Variants in EXOC4 observed in about 807,000 individuals in gnomAD.
EXOC4 encodes SEC8-like 1.
Under a neutral mutation model 107.2 loss-of-function variants are expected in EXOC4, and 71 were observed. That is an observed-to-expected ratio of 0.66 (90% CI 0.55 to 0.81). The LOEUF (loss-of-function observed/expected upper bound fraction) is 0.81, where lower values mean the gene tolerates loss of function less well. EXOC4 is among the 30% of genes least tolerant of loss of function. The pLI is 0.00. For missense variants in EXOC4, 1,108 were observed against 1,189.6 expected (o/e 0.93, Z 1.01); for synonymous variants, 456 against 441.2 (o/e 1.03, Z -0.42).
intron 11 of EXOC4, among the ~76,000 whole-genome samples, chr7:133,880,386 T>A (rs1798939823): frequency 6.6e-6 from 1 of 152,222 alleles, no homozygotes; most frequent in Non-Finnish European, 1.5e-5. Flanking sequence ...AAGGTGCTTT[T>A]GAAGTGTGCA....
At chr7:134,097,777 A>G in the EXOC4 span, among the ~76,000 whole-genome samples, 1 of 152,144 alleles carries the variant, frequency 6.6e-6, no homozygotes, top group African/African-American at 2.4e-5. Context: ...AGGGATAGAC[A>G]CTAAGGTGTT....
chr7:133,279,766 G>A (rs1274739030), intron 2 of EXOC4, among the ~76,000 whole-genome samples: 1 of 152,086 alleles, frequency 6.6e-6, no homozygotes, highest in Non-Finnish European at 1.5e-5. Context: ...TGATCCTCCT[G>A]CCTTGGTCTC....
Position 133,444,979 on chromosome 7 carries a change from T to C in EXOC4, c.1183-30349T>C, listed in dbSNP as rs1182232792. On this transcript the variant is annotated intron_variant, in intron 7 of 17. Transcript: ENST00000253861. ...AGATTAACAACACGTAAGATTCTTA[T>C]TTTAAATAGAACAGATTTTTTGTTG... Among the ~76,000 whole-genome samples, 8 of 152,326 alleles carry C rather than the reference T, an allele frequency of 5.3e-5. No homozygotes were observed. In the South Asian group the frequency reaches 1.0e-3, roughly 20 times the overall value.
chr7:133,991,693 A>T (rs977068777), intron 14 of EXOC4, among the ~76,000 whole-genome samples: 1 of 152,120 alleles, frequency 6.6e-6, no homozygotes, highest in Non-Finnish European at 1.5e-5. Flanking sequence ...TTCCAGTACC[A>T]TTTATTAAAG....
intron 10 of EXOC4, among the ~76,000 whole-genome samples, chr7:133,807,088 CT>C (rs1010382894): frequency 6.6e-6 from 1 of 152,138 alleles, no homozygotes; most frequent in Non-Finnish European, 1.5e-5. Context: ...GGTGGGCCGA[CT>C]TTTCATATAC....
intron 13 of EXOC4, among the ~76,000 whole-genome samples, chr7:133,922,363 A>G (rs1356901493): frequency 6.6e-6 from 1 of 152,070 alleles, no homozygotes; most frequent in African/African-American, 2.4e-5. Context: ...TAACTACTAG[A>G]CTAGTTTAAT....
intron 7 of EXOC4, among the ~76,000 whole-genome samples, chr7:133,427,658 C>G (rs1027871942): frequency 1.3e-5 from 2 of 152,174 alleles, no homozygotes; most frequent in African/African-American, 2.4e-5. Context: ...CCACCCAACT[C>G]TGTACTCTGT....
chr7:134,034,442 A>G (rs760034234), intron 17 of EXOC4, among the ~76,000 whole-genome samples: 8 of 152,202 alleles, frequency 5.3e-5, no homozygotes, highest in Non-Finnish European at 1.2e-4. Context: ...TGTAATCCCC[A>G]TAATCTGTAC....
At chr7:133,412,441 A>G (rs1333244304) in intron 7 of EXOC4, among the ~76,000 whole-genome samples, 2 of 151,752 alleles carry the variant, frequency 1.3e-5, no homozygotes, top group Admixed American at 6.6e-5. Flanking sequence ...ATAATGTCCA[A>G]TTATTTTTTT....
chr7:133,853,959 T>C (rs1798294575), intron 11 of EXOC4, among the ~76,000 whole-genome samples: 1 of 152,128 alleles, frequency 6.6e-6, no homozygotes, highest in Non-Finnish European at 1.5e-5. Flanking sequence ...TTATAGTCCC[T>C]AGGGGGCGGG....
intron 14 of EXOC4, among the ~76,000 whole-genome samples, chr7:133,960,312 T>C (rs1463116820): frequency 1.3e-5 from 2 of 152,202 alleles, no homozygotes; most frequent in Non-Finnish European, 2.9e-5. Flanking sequence ...GTAGTTTTCT[T>C]TTTTGGTTAT....
chr7:133,856,908 G>T (rs1430495424), intron 11 of EXOC4, among the ~76,000 whole-genome samples: 1 of 151,100 alleles, frequency 6.6e-6, no homozygotes, highest in Non-Finnish European at 1.5e-5. Context: ...AGACCATCCT[G>T]GCTAACACGG....
chr7:133,758,785 C>A (rs1415678389), intron 10 of EXOC4, among the ~76,000 whole-genome samples: 1 of 152,098 alleles, frequency 6.6e-6, no homozygotes, highest in Non-Finnish European at 1.5e-5. Flanking sequence ...CTTTATTAAT[C>A]TTTGAAGTTT....
chr7:133,787,385 GT>G (rs1796597375), intron 10 of EXOC4, among the ~76,000 whole-genome samples: 3 of 3,700 alleles, frequency 8.1e-4, no homozygotes, highest in Non-Finnish European at 1.9e-3. Flanking sequence ...GTGTGTGTGT[GT>G]GTGAGATGAG....
intron 5 of EXOC4, among the ~76,000 whole-genome samples, chr7:133,329,269 C>T (rs190781795): frequency 2.0e-4 from 30 of 152,308 alleles, no homozygotes; most frequent in Middle Eastern, 6.8e-3. Context: ...TCAGCTCCAT[C>T]AGGTCATTTA....
chr7:133,331,266 C>A (rs888037506), intron 5 of EXOC4, among the ~76,000 whole-genome samples: 2 of 151,692 alleles, frequency 1.3e-5, no homozygotes, highest in African/African-American at 4.8e-5. Context: ...AGTCCCTGTC[C>A]GTGGAAAAAT....
At chr7:133,531,781 A>G (rs1473584422) in intron 9 of EXOC4, among the ~76,000 whole-genome samples, 17 of 152,140 alleles carry the variant, frequency 1.1e-4, no homozygotes, top group Admixed American at 1.1e-3. Context: ...TTATTTTCAA[A>G]AAATCTTCCT....
At chr7:133,681,382 A>T (rs138849982) in intron 10 of EXOC4, among the ~76,000 whole-genome samples, 1 of 150,860 alleles carries the variant, frequency 6.6e-6, no homozygotes, top group Non-Finnish European at 1.5e-5. Flanking sequence ...TTCAAGGGCA[A>T]TTTTTTTTTT....
At chr7:133,288,461 C>T (rs1794330455) in intron 2 of EXOC4, among the ~76,000 whole-genome samples, 1 of 152,112 alleles carries the variant, frequency 6.6e-6, no homozygotes, top group South Asian at 2.1e-4. Context: ...TTAGGTTGAG[C>T]ACTCTGTTTC....
Sources: allele counts gnomAD v4.1 joint callset (sites outside exome capture counted in the v4.1 genomes callset), GRCh38; gene constraint gnomAD v4.1.1; transcripts MANE v1.5; gene names NCBI Gene and HGNC (gene_info 2026-07-23, HGNC 2026-07-21).